Variants in ARHGEF10L observed in about 807,000 individuals in gnomAD.
ARHGEF10L encodes the protein rho guanine nucleotide exchange factor 10-like protein.
Under a neutral mutation model 141.2 loss-of-function variants are expected in ARHGEF10L, and 69 were observed. That is an observed-to-expected ratio of 0.49 (90% CI 0.40 to 0.60). The LOEUF is 0.60. Ranked by LOEUF, ARHGEF10L falls within the 20% of genes least tolerant of loss-of-function variation. The pLI is 0.00. For synonymous variants in ARHGEF10L, 711 were observed against 718.5 expected (o/e 0.99, Z 0.17); for missense variants, 1,482 against 1,734.3 (o/e 0.85, Z 2.58).
intron 4 of ARHGEF10L, among the ~76,000 whole-genome samples, chr1:17,601,069 C>CA (rs1363064745): frequency 1.1e-4 from 14 of 130,976 alleles, no homozygotes; most frequent in African/African-American, 3.3e-4. Flanking sequence ...AAAAAAAAAA[C>CA]AAAAAACAAA....
rs1016729189 is a variant in ARHGEF10L at position 17,607,313 on chromosome 1, A to G, written c.434-489A>G. On this transcript the variant is annotated intron_variant, in intron 6 of 28. Coordinates refer to ENST00000361221, the MANE Select transcript of ARHGEF10L (RefSeq NM_018125.4). The surrounding 1 kb of genome is among the most constrained non-coding windows in gnomAD (Gnocchi z 4.5). Reference sequence around the variant, plus strand: ...AACATAACAAGACTCCGTCTCTACAAAAAATTAAAAAATTAGCTGGGTGTG... The same window carrying G: ...AACATAACAAGACTCCGTCTCTACAGAAAATTAAAAAATTAGCTGGGTGTG... 2.0e-5 allele frequency among the ~76,000 whole-genome samples: 3 copies of G among 152,132 alleles called. No homozygotes were observed. Among genetic ancestry groups the G allele is most frequent in the Admixed American group, 1.3e-4 (2 of 15,264 alleles).
chr1:17,691,588 T>G (rs1247154129), intron 27 of ARHGEF10L, among the ~76,000 whole-genome samples: 1 of 152,206 alleles, frequency 6.6e-6, no homozygotes, highest in Non-Finnish European at 1.5e-5. Context: ...GGAGCTGATC[T>G]TAAGACATTA....
chr1:17,651,410 C>T (rs1047661745), intron 22 of ARHGEF10L, among the ~76,000 whole-genome samples: 5 of 152,148 alleles, frequency 3.3e-5, no homozygotes, highest in Admixed American at 1.3e-4. Flanking sequence ...ACTGTGCCTG[C>T]GGCCAGCTTG....
chr1:17,544,839 A>G (rs997687659), intron 1 of ARHGEF10L, among the ~76,000 whole-genome samples: 3 of 152,184 alleles, frequency 2.0e-5, no homozygotes, highest in African/African-American at 7.2e-5. Flanking sequence ...TCTCACAATC[A>G]TGGTAGAAGG....
intron 25 of ARHGEF10L, among the ~76,000 whole-genome samples, chr1:17,663,112 A>T (rs1301939326): frequency 6.6e-6 from 1 of 152,092 alleles, no homozygotes; most frequent in African/African-American, 2.4e-5. Flanking sequence ...GAGAAGAAAC[A>T]ATCTTGGCGC....
intron 26 of ARHGEF10L, among the ~76,000 whole-genome samples, chr1:17,683,107 G>C (rs1338671504): frequency 6.8e-6 from 1 of 147,802 alleles, no homozygotes; most frequent in African/African-American, 2.6e-5. Context: ...ACTGCCCCCT[G>C]CTCTCACCGG....
intron 1 of ARHGEF10L, among the ~76,000 whole-genome samples, chr1:17,550,731 C>A (rs756561542): frequency 6.6e-5 from 10 of 151,782 alleles, no homozygotes; most frequent in Non-Finnish European, 1.0e-4. Context: ...ACTTGGGCAT[C>A]CTTAACATAT....
chr1:17,574,893 C>A (rs959190365), intron 1 of ARHGEF10L, among the ~76,000 whole-genome samples: 10 of 152,192 alleles, frequency 6.6e-5, no homozygotes, highest in African/African-American at 2.4e-4. Context: ...TCCTTCCGGG[C>A]CCCGGGCTTT....
At chr1:17,652,016 G>T (rs1457709750) in intron 22 of ARHGEF10L, among the ~76,000 whole-genome samples, 1 of 152,192 alleles carries the variant, frequency 6.6e-6, no homozygotes, top group Non-Finnish European at 1.5e-5. Flanking sequence ...GTGAACCTCT[G>T]CCCAGGCCCC....
rs371674473 is a variant in ARHGEF10L, at chr1:17,634,835, G to A, written c.1746G>A (p.Arg582=). 3.0e-5 allele frequency: 49 copies of A among 1,612,058 alleles called. No homozygotes were observed. The African/African-American group carries it at 4.7e-4, about 15-fold the overall frequency. Residue 582 remains arginine, a splice_region_variant and synonymous_variant, in exon 18 of 29, where the codon AGG becomes AGA. Coordinates refer to ENST00000361221, the MANE Select transcript of ARHGEF10L (RefSeq NM_018125.4). ...GGCCTTGTCCTCTCTGTTCCAACAG[G>A]GGCCAGCTGGAGATCAGCAGCCTGG... is the stretch of plus-strand genomic sequence containing the variant. ...ANINFKPANH[R]GQLEISSLVP...
At chr1:17,683,918 G>A (rs912627712) in intron 26 of ARHGEF10L, among the ~76,000 whole-genome samples, 11 of 152,176 alleles carry the variant, frequency 7.2e-5, no homozygotes, top group South Asian at 2.1e-4. Context: ...TGGCTTTTTC[G>A]GAGGCTGAAA....
At chr1:17,676,372 G>A (rs1309099758) in intron 26 of ARHGEF10L, among the ~76,000 whole-genome samples, 1 of 150,530 alleles carries the variant, frequency 6.6e-6, no homozygotes, top group African/African-American at 2.5e-5. Flanking sequence ...TGCAGGTGTG[G>A]GTGAGGTGTA....
intron 2 of ARHGEF10L, among the ~76,000 whole-genome samples, chr1:17,584,083 C>G (rs2078818630): frequency 6.6e-6 from 1 of 151,938 alleles, no homozygotes; most frequent in East Asian, 1.9e-4. Flanking sequence ...CTCGCTTTGT[C>G]ACCCAGGCTG....
intron 21 of ARHGEF10L, among the ~76,000 whole-genome samples, chr1:17,646,218 C>A (rs1424109642): frequency 1.3e-5 from 2 of 152,238 alleles, no homozygotes; most frequent in East Asian, 3.9e-4. Flanking sequence ...TCCAGCTCCT[C>A]TTGCTGTGCC....
At chr1:17,645,916 T>C (rs1457806892) in intron 21 of ARHGEF10L, among the ~76,000 whole-genome samples, 1 of 152,232 alleles carries the variant, frequency 6.6e-6, no homozygotes, top group Non-Finnish European at 1.5e-5. Context: ...GTGTCTGTTA[T>C]GGCAACGCGC....
intron 1 of ARHGEF10L, among the ~76,000 whole-genome samples, chr1:17,542,932 G>A (rs534979437): frequency 1.3e-5 from 2 of 152,326 alleles, no homozygotes; most frequent in East Asian, 1.9e-4. Flanking sequence ...GGCTAGACAA[G>A]GGTGAATGGG....
intron 19 of ARHGEF10L, 34 bp from the exon 20 acceptor site, chr1:17,638,528 T>A: frequency 6.2e-7 from 1 of 1,613,660 alleles, no homozygotes; most frequent in Non-Finnish European, 8.5e-7. Context: ...GCCAGTGTGC[T>A]GTGTGGTGAC....
rs549471788 is a variant in ARHGEF10L, at chr1:17,595,491, C to T, written c.258-6636C>T. Among the ~76,000 whole-genome samples, 164 of 152,222 alleles carry T rather than the reference C, an allele frequency of 1.1e-3. 1 individual carries two copies. The highest frequency in any genetic ancestry group is 3.8e-3 in the African/African-American group (157 of 41,546). On this transcript the variant is annotated intron_variant, in intron 4 of 28. Coordinates refer to ENST00000361221, the MANE Select transcript of ARHGEF10L (RefSeq NM_018125.4). The stretch of plus-strand genomic sequence containing the variant: ...AGAGATGGCTCCCCAGAGGCCTCGA[C>T]GCTCACTCCCTGCTGAGGTCTGTGA...
At chr1:17,535,137 G>T (rs1371145030), upstream of ARHGEF10L, among the ~76,000 whole-genome samples, 1 of 152,136 alleles carries the variant, frequency 6.6e-6, no homozygotes. Flanking sequence ...CAACCAGATG[G>T]TCCCATCTGG....
Sources: gnomAD v4.1 joint callset for allele counts (sites outside exome capture counted in the v4.1 genomes callset) on GRCh38, gnomAD v4.1.1 for gene constraint, Gnocchi (gnomAD v3.1) non-coding constraint, MANE v1.5 for transcripts, NCBI Gene and HGNC (gene_info 2026-07-23, HGNC 2026-07-21) for gene names.